The following RANBP2 variants were observed in gnomAD, a reference collection of about 807,000 sequenced individuals.
RANBP2 encodes the protein RAN binding protein 2.
A neutral mutation model predicts 303.6 loss-of-function variants in RANBP2; 57 were observed. That is an observed-to-expected ratio of 0.19 (90% confidence interval 0.15 to 0.23). The LOEUF (loss-of-function observed/expected upper bound fraction) is 0.23, where lower values mean the gene tolerates loss of function less well. RANBP2 is among the 10% of genes least tolerant of loss of function. The pLI, the probability that RANBP2 is intolerant of heterozygous loss-of-function variation, is 1.00. For synonymous variants in RANBP2, 1,167 were observed against 1,301.5 expected (o/e 0.90, Z 2.23); for missense variants, 3,138 against 3,780.8 (o/e 0.83, Z 4.46).
the RANBP2 span, among the ~76,000 whole-genome samples, chr2:109,267,434 C>G: frequency 2.6e-5 from 4 of 152,196 alleles, no homozygotes; most frequent in Admixed American, 2.6e-4. Context: ...AGAAGCAGCA[C>G]TGAGGAAGCC....
At chr2:109,674,808 C>G in the RANBP2 span, among the ~76,000 whole-genome samples, 10 of 152,240 alleles carry the variant, frequency 6.6e-5, no homozygotes, top group Non-Finnish European at 7.4e-5. Context: ...TTTCTCCTGT[C>G]AAGATTTACA....
At chr2:108,922,731 A>G in the RANBP2 span, among the ~76,000 whole-genome samples, 1 of 152,128 alleles carries the variant, frequency 6.6e-6, no homozygotes. Flanking sequence ...GCTTCCTCCC[A>G]GCTGCTTGTC....
chr2:108,908,565 T>C, the RANBP2 span, among the ~76,000 whole-genome samples: 1 of 151,742 alleles, frequency 6.6e-6, no homozygotes, highest in Non-Finnish European at 1.5e-5. Flanking sequence ...TTGCAGGGGG[T>C]GGCACAGCAA....
chr2:109,379,786 G>C, the RANBP2 span, among the ~76,000 whole-genome samples: 1 of 152,020 alleles, frequency 6.6e-6, no homozygotes, highest in Non-Finnish European at 1.5e-5. Flanking sequence ...GGTGAAGCCC[G>C]GTCATTGCCA....
At chr2:109,048,789 G>A in the RANBP2 span, among the ~76,000 whole-genome samples, 1 of 152,144 alleles carries the variant, frequency 6.6e-6, no homozygotes, top group African/African-American at 2.4e-5. Flanking sequence ...TAAAGAAGTT[G>A]ACATTTTTAG....
chr2:109,266,427 C>T, the RANBP2 span, among the ~76,000 whole-genome samples: 4 of 152,108 alleles, frequency 2.6e-5, no homozygotes, highest in Admixed American at 2.6e-4. Context: ...CTCGCAGGAA[C>T]AAGTCTGAGG....
the RANBP2 span, among the ~76,000 whole-genome samples, chr2:109,578,646 A>T: frequency 6.6e-6 from 1 of 152,140 alleles, no homozygotes; most frequent in Non-Finnish European, 1.5e-5. Flanking sequence ...GGGCACCTGT[A>T]ATCCCAGCTA....
the RANBP2 span, among the ~76,000 whole-genome samples, chr2:109,703,402 T>TA: frequency 6.6e-6 from 1 of 152,214 alleles, no homozygotes; most frequent in Non-Finnish European, 1.5e-5. Flanking sequence ...CTGCATAAAT[T>TA]AAAAAACCAC....
chr2:109,345,787 G>A, the RANBP2 span, among the ~76,000 whole-genome samples: 1 of 152,116 alleles, frequency 6.6e-6, no homozygotes. Flanking sequence ...AACCAAACAG[G>A]CTGGGCCAGG....
chr2:109,422,505 G>A, the RANBP2 span, among the ~76,000 whole-genome samples: 8 of 152,124 alleles, frequency 5.3e-5, no homozygotes, highest in South Asian at 4.1e-4. Flanking sequence ...TCAGTTGCCC[G>A]GAAACACAAG....
At chr2:108,969,222 T>A in the RANBP2 span, among the ~76,000 whole-genome samples, 400 of 152,288 alleles carry the variant, frequency 2.6e-3, 1 homozygote, top group Non-Finnish European at 4.5e-3. Flanking sequence ...TCTTTTTTTT[T>A]TTCCTGCTCT....
At chr2:109,115,251 T>A in the RANBP2 span, among the ~76,000 whole-genome samples, 1 of 152,198 alleles carries the variant, frequency 6.6e-6, no homozygotes, top group Non-Finnish European at 1.5e-5. Context: ...CCCATTATTA[T>A]TGTGTGGGAG....
At chr2:109,629,725 C>T in the RANBP2 span, among the ~76,000 whole-genome samples, 2 of 151,962 alleles carry the variant, frequency 1.3e-5, no homozygotes, top group East Asian at 1.9e-4. Context: ...GCAGAAGAAT[C>T]GCTTGAACTC....
intron 25 of RANBP2, among the ~76,000 whole-genome samples, chr2:108,780,061 T>C (rs1416911247): frequency 6.6e-6 from 1 of 152,148 alleles, no homozygotes; most frequent in Non-Finnish European, 1.5e-5. Flanking sequence ...GAAGTCCTTG[T>C]GTAGTTTAGT....
chr2:108,908,163 G>T, the RANBP2 span: 1 of 868,458 alleles, frequency 1.2e-6, no homozygotes, highest in Non-Finnish European at 1.7e-6. Context: ...TGGGCACCTT[G>T]TGGGCACGGG....
At chr2:109,419,553 G>T in the RANBP2 span, 2 of 1,596,806 alleles carry the variant, frequency 1.3e-6, no homozygotes, top group South Asian at 2.3e-5. Context: ...TCTCCTCCTC[G>T]GCGGGATCTA....
At chr2:109,505,324 G>C in the RANBP2 span, among the ~76,000 whole-genome samples, 5 of 152,156 alleles carry the variant, frequency 3.3e-5, no homozygotes, top group African/African-American at 1.2e-4. Context: ...ACACATCTAC[G>C]TATACATTTG....
the RANBP2 span, chr2:108,896,831 T>C: frequency 6.9e-7 from 1 of 1,443,612 alleles, no homozygotes; most frequent in Non-Finnish European, 9.5e-7. Flanking sequence ...TGGCAGTCTT[T>C]TGGCACCACT....
At chr2:109,251,774 CA>C in the RANBP2 span, 16 of 525,922 alleles carry the variant, frequency 3.0e-5, no homozygotes, top group East Asian at 4.3e-4. Flanking sequence ...TTGTAATAGT[CA>C]AAAAAAGAAT....
Sources: allele counts gnomAD v4.1 joint callset (sites outside exome capture counted in the v4.1 genomes callset), GRCh38; gene constraint gnomAD v4.1.1; transcripts MANE v1.5; gene names NCBI Gene and HGNC (gene_info 2026-07-23, HGNC 2026-07-21).